ATP8B4: variants seen among roughly 807,000 people sequenced by gnomAD.
ATP8B4 encodes the protein ATPase phospholipid transporting 8B4 (putative).
Under a neutral mutation model 145.6 loss-of-function variants are expected in ATP8B4, and 133 were observed. The ratio of observed to expected loss-of-function variants is 0.91; its 90% confidence interval spans 0.79 to 1.05. The LOEUF (loss-of-function observed/expected upper bound fraction) is 1.05. ATP8B4 is among the 50% of genes least tolerant of loss of function. The pLI is 0.00. For missense variants in ATP8B4, 1,458 were observed against 1,425.2 expected (o/e 1.02, Z -0.37); for synonymous variants, 507 against 492.9 (o/e 1.03, Z -0.38).
intron 1 of ATP8B4, among the ~76,000 whole-genome samples, chr15:50,158,101 G>C (rs1365848188): frequency 2.6e-5 from 4 of 152,268 alleles, no homozygotes; most frequent in South Asian, 4.1e-4. Flanking sequence ...ATCTCGGCTC[G>C]CTACAACCTC....
chr15:49,954,573 A>G (rs2153498115), intron 14 of ATP8B4, among the ~76,000 whole-genome samples: 1 of 152,362 alleles, frequency 6.6e-6, no homozygotes. Context: ...ACATGAAAAA[A>G]TGCTCATGAT....
At position 49,996,697 on chromosome 15, in the gene ATP8B4, C is replaced by G. The variant is rs1182657045; in HGVS notation, c.569G>C (p.Ser190Thr). The G allele has an allele frequency of 1.2e-6, 2 of 1,608,904 alleles. No homozygotes were observed. The highest frequency in any genetic ancestry group is 1.7e-6 in the Non-Finnish European group (2 of 1,176,262). Residue 190 changes from serine (S) to threonine (T), a missense_variant, in exon 9 of 28, where the codon AGC becomes ACC. Ser to Thr is a moderately conservative substitution (Grantham distance 58). Transcript: ENST00000284509. ...CTTACCATCAAACCCTGCAAGTCTG[C>G]TGATATCTGCTCCAAGTTCTGAAGT... ...SVTSELGADISRLAGFDGIVV... is the reference protein window; with the variant it reads ...SVTSELGADITRLAGFDGIVV...
rs977912277 is a variant in ATP8B4, at chr15:49,907,409, C to T, written c.2142-6170G>A. ...CAAATTACAAGACCTATTCATTCTA[C>T]CTCCAAAAAGCTGTCTATTTTATTC... On this transcript the variant is annotated intron_variant, in intron 20 of 27. Transcript: ENST00000284509. Among the ~76,000 whole-genome samples, 3 of 152,188 alleles carry T rather than the reference C, an allele frequency of 2.0e-5. No homozygotes were observed. The East Asian group carries it at 5.8e-4, about 29-fold the overall frequency.
chr15:50,118,302 C>A (rs1220084128), intron 1 of ATP8B4, among the ~76,000 whole-genome samples: 1 of 151,970 alleles, frequency 6.6e-6, no homozygotes, highest in African/African-American at 2.4e-5. Context: ...CAAAATATCA[C>A]ATGTACCCCA....
At chr15:50,007,697 G>A (rs2048411783) in intron 7 of ATP8B4, among the ~76,000 whole-genome samples, 2 of 152,178 alleles carry the variant, frequency 1.3e-5, no homozygotes, top group East Asian at 1.9e-4. Flanking sequence ...TCTCTTTCAG[G>A]GGCCTGTAAG....
chr15:49,860,065 G>A lies in ATP8B4; in HGVS notation c.*129C>T, dbSNP rs752939426. 23 of 1,154,696 alleles carry A rather than the reference G, an allele frequency of 2.0e-5. No homozygotes were observed. Among genetic ancestry groups the A allele is most frequent in the Admixed American group, 4.8e-5 (2 of 42,074 alleles). The allele number at this position is 1,154,696 out of a possible 1,614,324, so 71.5% of individuals were successfully genotyped here. A position where few individuals can be genotyped will look rare whatever the true frequency, so the allele number is the denominator to read the frequency against. On this transcript the variant is annotated 3_prime_UTR_variant, in exon 28 of 28. Transcript: ENST00000284509. ...TGATGGGCACTGGCAGTTGTCTGCCGCAGATTTAAGTTAAGTGAGGCAATC... is the reference window on the plus strand; with the variant it reads ...TGATGGGCACTGGCAGTTGTCTGCCACAGATTTAAGTTAAGTGAGGCAATC...
intron 25 of ATP8B4, among the ~76,000 whole-genome samples, chr15:49,870,932 T>C (rs556854199): frequency 3.9e-4 from 60 of 152,358 alleles, no homozygotes; most frequent in African/African-American, 1.4e-3. Context: ...TTGTCTCCCA[T>C]GTTAGCCAAG....
At position 49,926,384 on chromosome 15, in the gene ATP8B4, G is replaced by A. The variant is rs138242824; in HGVS notation, c.1643-2890C>T. Among the ~76,000 whole-genome samples the A allele has an allele frequency of 1.6e-3, 240 of 152,152 alleles. 1 individual carries two copies. The highest frequency in any genetic ancestry group is 5.3e-3 in the African/African-American group (222 of 41,510). On this transcript the variant is annotated intron_variant, in intron 16 of 27. Transcript: ENST00000284509. ...CAACCATACATCTAAGGGAAGCTAC[G>A]GATTTCTCTTGCCACTTCTCTCTTG...
At chr15:49,879,595 T>C in intron 23 of ATP8B4, 136 bp from the exon 24 acceptor site, 2 of 699,244 alleles carry the variant, frequency 2.9e-6, no homozygotes, top group Non-Finnish European at 4.7e-6. Context: ...AATTCTTTCC[T>C]AGACCTGCCT....
At chr15:50,056,822 T>C (rs2052642194) in intron 3 of ATP8B4, among the ~76,000 whole-genome samples, 1 of 151,856 alleles carries the variant, frequency 6.6e-6, no homozygotes, top group Non-Finnish European at 1.5e-5. Flanking sequence ...TACACACATA[T>C]AAATATTAAC....
intron 2 of ATP8B4, among the ~76,000 whole-genome samples, chr15:50,095,248 GC>G (rs2055893771): frequency 6.6e-6 from 1 of 152,070 alleles, no homozygotes; most frequent in African/African-American, 2.4e-5. Context: ...GAGGAAATTT[GC>G]AGGTGTCCAC....
At chr15:49,919,217 C>G (rs1410298436) in intron 18 of ATP8B4, among the ~76,000 whole-genome samples, 1 of 152,106 alleles carries the variant, frequency 6.6e-6, no homozygotes, top group Admixed American at 6.5e-5. Flanking sequence ...AACATGTTAG[C>G]GTGAGCAGTA....
At chr15:49,872,535 A>T (rs1221244448) in intron 25 of ATP8B4, among the ~76,000 whole-genome samples, 1 of 152,212 alleles carries the variant, frequency 6.6e-6, no homozygotes, top group Non-Finnish European at 1.5e-5. Context: ...TGTATAAATC[A>T]TGTTGCTATC....
At position 49,981,292 on chromosome 15, in the gene ATP8B4, G is replaced by A; in HGVS notation, c.751C>T (p.Pro251Ser). The A allele has an allele frequency of 6.2e-7, 1 of 1,601,480 alleles. No homozygotes were observed. Among genetic ancestry groups the A allele is most frequent in the African/African-American group, 1.3e-5 (1 of 74,512 alleles). ...WCFGMVIFAG[P>S]DTKLMQNSGK... ...CTATTCTGCATTAGTTTAGTGTCAG[G>A]ACCTGCAAAAACAAAAAAAAGTAAA... Residue 251 changes from proline to serine, a missense_variant and splice_region_variant, in exon 11 of 28, where the codon CCT (proline) becomes TCT (serine). Transcript: ENST00000284509.
At chr15:50,006,395 G>A (rs1315568087) in intron 7 of ATP8B4, among the ~76,000 whole-genome samples, 2 of 148,158 alleles carry the variant, frequency 1.3e-5, no homozygotes, top group Non-Finnish European at 3.0e-5. Context: ...TAGAAAGATA[G>A]AGATGGTTTA....
At chr15:49,924,216 T>C (rs1383164269) in intron 16 of ATP8B4, among the ~76,000 whole-genome samples, 1 of 152,168 alleles carries the variant, frequency 6.6e-6, no homozygotes, top group African/African-American at 2.4e-5. Flanking sequence ...CCCCAGCATA[T>C]TGCTGTTAGA....
At chr15:49,975,649 A>C (rs2045598009) in intron 12 of ATP8B4, among the ~76,000 whole-genome samples, 1 of 152,154 alleles carries the variant, frequency 6.6e-6, no homozygotes, top group Admixed American at 6.6e-5. Context: ...TGATAGGATA[A>C]GTTTTTAAAT....
At chr15:49,969,416 G>C (rs982309881) in intron 13 of ATP8B4, among the ~76,000 whole-genome samples, 6 of 151,976 alleles carry the variant, frequency 3.9e-5, no homozygotes, top group African/African-American at 1.5e-4. Context: ...GAATCAAATA[G>C]ACACAATAAA....
At chr15:50,007,317 C>G (rs2048379264) in intron 7 of ATP8B4, among the ~76,000 whole-genome samples, 1 of 152,260 alleles carries the variant, frequency 6.6e-6, no homozygotes, top group East Asian at 1.9e-4. Flanking sequence ...GCCAAGAGCC[C>G]CTAACTCTGG....
Sources: gnomAD v4.1 joint callset for allele counts (sites outside exome capture counted in the v4.1 genomes callset) on GRCh38, gnomAD v4.1.1 for gene constraint, MANE v1.5 for transcripts, NCBI Gene and HGNC (gene_info 2026-07-23, HGNC 2026-07-21) for gene names.